PPARGC1A: variants seen among roughly 807,000 people sequenced by gnomAD.
PPARGC1A encodes the protein peroxisome proliferator-activated receptor gamma coactivator 1-alpha.
A neutral mutation model predicts 88.7 loss-of-function variants in PPARGC1A; 25 were observed. That is an observed-to-expected ratio of 0.28 (90% CI 0.21 to 0.39). PPARGC1A has a LOEUF of 0.39. Among genes scored for constraint, PPARGC1A ranks in the 10% least tolerant of loss-of-function variants. The probability of loss-of-function intolerance (pLI) is 1.00; values close to 1 mark genes in which losing one functional copy is unlikely to be tolerated. For synonymous variants in PPARGC1A, 363 were observed against 355.6 expected (o/e 1.02, Z -0.24); for missense variants, 880 against 968.7 (o/e 0.91, Z 1.22).
chr4:24,387,838 A>AAG, the PPARGC1A span, among the ~76,000 whole-genome samples: 482 of 72,456 alleles, frequency 6.7e-3, 19 homozygotes, highest in Middle Eastern at 0.014. Context: ...GAAAGAGAGA[A>AAG]AGAGAGAGAG....
intron 2 of PPARGC1A, chr4:23,882,764 CATGTAGAT>C (rs1232623739): frequency 6.6e-5 from 10 of 152,126 alleles, no homozygotes; most frequent in Non-Finnish European, 1.3e-4. Context: ...TAAGCACCTA[CATGTAGAT>C]AATTAACTAG....
At chr4:23,835,167 G>A (rs936631510) in intron 2 of PPARGC1A, among the ~76,000 whole-genome samples, 3 of 152,158 alleles carry the variant, frequency 2.0e-5, no homozygotes, top group Non-Finnish European at 4.4e-5. Flanking sequence ...ACTACAAGCC[G>A]TTATTTGCTT....
intron 2 of PPARGC1A, among the ~76,000 whole-genome samples, chr4:23,869,587 G>T (rs1712827983): frequency 6.9e-6 from 1 of 144,848 alleles, no homozygotes; most frequent in Non-Finnish European, 1.5e-5. Context: ...TTATCCAAAG[G>T]CAAGTAGCAG....
chr4:24,354,701 A>G, the PPARGC1A span, among the ~76,000 whole-genome samples: 3 of 152,110 alleles, frequency 2.0e-5, no homozygotes, highest in Non-Finnish European at 4.4e-5. Context: ...ACTGGCTAAC[A>G]TGGTAAAACC....
the PPARGC1A span, among the ~76,000 whole-genome samples, chr4:24,281,826 T>A: frequency 1.2e-4 from 19 of 152,178 alleles, no homozygotes; most frequent in Non-Finnish European, 2.1e-4. Flanking sequence ...AACATTGACA[T>A]AGCACTAACT....
At chr4:23,892,849 C>T (rs995746111), upstream of PPARGC1A, among the ~76,000 whole-genome samples, 4 of 152,102 alleles carry the variant, frequency 2.6e-5, no homozygotes, top group African/African-American at 9.7e-5. Context: ...AGGGGGATGA[C>T]AACCCTTAAA....
the PPARGC1A span, among the ~76,000 whole-genome samples, chr4:24,015,289 G>A: frequency 6.6e-6 from 1 of 152,056 alleles, no homozygotes; most frequent in African/African-American, 2.4e-5. Flanking sequence ...GATAGAGATA[G>A]AGGTACAGGT....
At chr4:24,143,723 C>T in the PPARGC1A span, among the ~76,000 whole-genome samples, 5 of 152,196 alleles carry the variant, frequency 3.3e-5, no homozygotes, top group Middle Eastern at 3.4e-3. Context: ...AAGCATTTAT[C>T]GGACATATAT....
At chr4:24,235,641 G>A in the PPARGC1A span, among the ~76,000 whole-genome samples, 469 of 152,252 alleles carry the variant, frequency 3.1e-3, 4 homozygotes, top group Non-Finnish European at 2.2e-3. Context: ...ATCAATAATG[G>A]CAGAACAAAA....
At chr4:23,890,534 G>A (rs762874340), upstream of PPARGC1A, among the ~76,000 whole-genome samples, 1 of 149,318 alleles carries the variant, frequency 6.7e-6, no homozygotes, top group South Asian at 2.1e-4. Flanking sequence ...TAAAGCAAGA[G>A]CTTATCACAT....
the PPARGC1A span, among the ~76,000 whole-genome samples, chr4:24,389,251 C>A: frequency 6.6e-6 from 1 of 152,106 alleles, no homozygotes; most frequent in Non-Finnish European, 1.5e-5. Context: ...TTAAGTTTAA[C>A]AAAGACTGTT....
chr4:23,797,343 CT>C (rs1189329677), intron 12 of PPARGC1A, among the ~76,000 whole-genome samples: 1 of 144,836 alleles, frequency 6.9e-6, no homozygotes, highest in African/African-American at 2.5e-5. Context: ...AAATCAAAAT[CT>C]TTTTTGTAGA....
the PPARGC1A span, among the ~76,000 whole-genome samples, chr4:24,307,900 A>G: frequency 6.6e-6 from 1 of 152,160 alleles, no homozygotes; most frequent in Non-Finnish European, 1.5e-5. Context: ...ATGGGGAGAG[A>G]CATGGACCCT....
the PPARGC1A span, among the ~76,000 whole-genome samples, chr4:24,217,534 G>A: frequency 6.6e-6 from 1 of 152,170 alleles, no homozygotes; most frequent in African/African-American, 2.4e-5. Context: ...TAGGCATGGG[G>A]GCTTATGTCT....
intron 2 of PPARGC1A, among the ~76,000 whole-genome samples, chr4:23,867,566 T>C (rs941982858): frequency 3.3e-5 from 5 of 152,174 alleles, no homozygotes; most frequent in Non-Finnish European, 7.3e-5. Flanking sequence ...ATATAGTCAA[T>C]TGTACTACAG....
chr4:23,813,601 T>A (rs1187476089), intron 8 of PPARGC1A, 89 bp downstream of exon 8: 19 of 1,247,304 alleles, frequency 1.5e-5, no homozygotes, highest in Admixed American at 8.3e-5. Flanking sequence ...CCAGAATGGC[T>A]GCAGATTTCA....
the PPARGC1A span, among the ~76,000 whole-genome samples, chr4:23,911,806 G>A: frequency 6.6e-5 from 10 of 152,182 alleles, no homozygotes; most frequent in Admixed American, 3.9e-4. Context: ...TAACATGAGA[G>A]CTACTTCTTA....
chr4:23,815,021 A>G (rs1721692650), intron 7 of PPARGC1A, among the ~76,000 whole-genome samples: 1 of 152,080 alleles, frequency 6.6e-6, no homozygotes, highest in Non-Finnish European at 1.5e-5. Context: ...TAGCCTTGGT[A>G]GCATTTGTCT....
chr4:23,881,240 C>T (rs1398254593), intron 2 of PPARGC1A: 1 of 152,168 alleles, frequency 6.6e-6, no homozygotes, highest in African/African-American at 2.4e-5. Context: ...GGATCAGATT[C>T]ACTGGAGGCT....
Sources: gnomAD v4.1 joint callset for allele counts (sites outside exome capture counted in the v4.1 genomes callset) on GRCh38, gnomAD v4.1.1 for gene constraint, MANE v1.5 for transcripts, NCBI Gene and HGNC (gene_info 2026-07-23, HGNC 2026-07-21) for gene names.